The following MINAR1 variants were observed in gnomAD, a reference collection of about 807,000 sequenced individuals.
MINAR1 encodes the protein membrane integral NOTCH2 associated receptor 1, also known as major intrinsically disordered Notch2-binding receptor 1.
A neutral mutation model predicts 65.1 loss-of-function variants in MINAR1; 40 were observed. The observed-to-expected ratio is 0.61, with a 90% CI of 0.48 to 0.80. MINAR1 has a LOEUF of 0.80. MINAR1 is among the 30% of genes least tolerant of loss of function. MINAR1 has a pLI of 0.00. For missense variants in MINAR1, 1,128 were observed against 1,148.0 expected (o/e 0.98, Z 0.25); for synonymous variants, 482 against 449.1 (o/e 1.07, Z -0.93).
chr15:79,463,389 C>T, intron 3 of MINAR1, 68 bp downstream of exon 3: 2 of 1,575,468 alleles, frequency 1.3e-6, no homozygotes, highest in East Asian at 2.2e-5. Context: ...TGGAATGGAT[C>T]ACGGACGGCT....
chr15:79,448,078 G>A (rs1463515680), intron 1 of MINAR1, among the ~76,000 whole-genome samples: 1 of 152,138 alleles, frequency 6.6e-6, no homozygotes, highest in Non-Finnish European at 1.5e-5. Flanking sequence ...TGGAATCTGG[G>A]CATTTAGCTT....
chr15:79,457,168 G>A lies in MINAR1; in HGVS notation c.1021G>A (p.Gly341Arg). The change falls in exon 2 of 4, where the codon GGG becomes AGG. Residue 341 changes from glycine to arginine, a missense_variant. By Grantham distance (125) the Gly-to-Arg change is moderately radical (BLOSUM62 -2). Coordinates refer to ENST00000305428, the MANE Select transcript of MINAR1 (RefSeq NM_015206.3). ...TGACCTTCAAGCCTCTACATATTTT[G>A]GGCCCACTCCCGTGATGGGAACCCA... ...LDDLQASTYF[G>R]PTPVMGTQEA... The A allele has an allele frequency of 6.2e-7, 1 of 1,614,108 alleles. No individual in the cohort carries two copies. The highest frequency in any genetic ancestry group is 2.2e-5 in the East Asian group (1 of 44,874).
In MINAR1 at chr15:79,471,698, C is replaced by T. The variant is rs1896087899; in HGVS notation, c.*3314C>T. On this transcript the variant is annotated 3_prime_UTR_variant, in exon 4 of 4. Coordinates refer to ENST00000305428, the MANE Select transcript of MINAR1 (RefSeq NM_015206.3). ...GTTATCAAGATAAGAGCAGTGGCAT[C>T]ACATTTGTTGTTGTTGTTTTTTTTT... 1 of 151,932 alleles carries T rather than the reference C, an allele frequency of 6.6e-6. No individual in the cohort carries two copies. The highest frequency in any genetic ancestry group is 2.1e-4 in the South Asian group (1 of 4,820). 9.4% of individuals were successfully genotyped at this position (151,932 alleles called of 1,614,324 possible).
chr15:79,464,979 A>G (rs895701028), intron 3 of MINAR1, among the ~76,000 whole-genome samples: 3 of 152,238 alleles, frequency 2.0e-5, no homozygotes, highest in African/African-American at 7.2e-5. Flanking sequence ...ATAGGCTGAG[A>G]AACATCTTTG....
chr15:79,418,451 C>G, the MINAR1 span: 3 of 152,238 alleles, frequency 2.0e-5, no homozygotes, highest in African/African-American at 7.2e-5. Flanking sequence ...CCCACTCTGC[C>G]TATCCACAAA....
At chr15:79,459,497 A>C (rs1321524557) in intron 2 of MINAR1, among the ~76,000 whole-genome samples, 1 of 152,204 alleles carries the variant, frequency 6.6e-6, no homozygotes, top group East Asian at 1.9e-4. Context: ...AGGTGATGCA[A>C]CTTCAGTTTG....
intron 1 of MINAR1, among the ~76,000 whole-genome samples, chr15:79,452,715 G>A (rs527446037): frequency 8.5e-6 from 1 of 117,172 alleles, no homozygotes; most frequent in Non-Finnish European, 1.7e-5. Flanking sequence ...TGAGTGTGTG[G>A]GTGTGGGTGA....
the MINAR1 span, chr15:79,420,660 T>C: frequency 6.6e-6 from 1 of 152,194 alleles, no homozygotes; most frequent in Non-Finnish European, 1.5e-5. Flanking sequence ...GGCGAATTGC[T>C]CTATGGTGGT....
At chr15:79,423,376 A>C in the MINAR1 span, 5 of 152,250 alleles carry the variant, frequency 3.3e-5, no homozygotes, top group African/African-American at 9.6e-5. Context: ...GGGACATATA[A>C]GAAACTGGTA....
chr15:79,411,732 G>A, the MINAR1 span: 6 of 487,634 alleles, frequency 1.2e-5, no homozygotes, highest in African/African-American at 1.9e-5. Context: ...AGACACTTGA[G>A]CTGGCAGGGA....
At chr15:79,464,859 C>T (rs1895780125) in intron 3 of MINAR1, among the ~76,000 whole-genome samples, 1 of 152,146 alleles carries the variant, frequency 6.6e-6, no homozygotes, top group African/African-American at 2.4e-5. Flanking sequence ...GGAGGCTAGA[C>T]AGGGATTTGA....
rs777521578 is a variant in MINAR1, at chr15:79,457,257, C to T, written c.1110C>T (p.Ser370=). Residue 370 remains serine (S), a synonymous_variant, in exon 2 of 4, where the codon AGC becomes AGT. Coordinates refer to ENST00000305428, the MANE Select transcript of MINAR1 (RefSeq NM_015206.3). The part of the protein sequence containing the change: ...KQTPWPAKSW[S]LNTEEVPDFE... ...CTCCCTGGCCAGCCAAAAGCTGGAG[C>T]CTAAACACAGAGGAAGTTCCTGACT... The T allele has an allele frequency of 3.7e-6, 6 of 1,614,134 alleles. No homozygotes were observed. In the African/African-American group the frequency reaches 6.7e-5, roughly 18 times the overall value.
At chr15:79,440,239 T>A (rs1460154843) in intron 1 of MINAR1, among the ~76,000 whole-genome samples, 1 of 152,124 alleles carries the variant, frequency 6.6e-6, no homozygotes, top group Admixed American at 6.5e-5. Context: ...ACAAGGCTGT[T>A]GTGAGTTTCC....
At chr15:79,430,654 G>T (rs151129385), upstream of MINAR1, among the ~76,000 whole-genome samples, 2 of 152,210 alleles carry the variant, frequency 1.3e-5, no homozygotes, top group Non-Finnish European at 2.9e-5. Flanking sequence ...ACTAGGCAAG[G>T]TACAGTGAAT....
intron 2 of MINAR1, among the ~76,000 whole-genome samples, chr15:79,461,436 C>T (rs1004980889): frequency 2.0e-5 from 3 of 152,220 alleles, no homozygotes; most frequent in Admixed American, 1.3e-4. Flanking sequence ...TGGCTACCGT[C>T]GTAGTTATTA....
intron 1 of MINAR1, among the ~76,000 whole-genome samples, chr15:79,440,120 A>C (rs61486698): frequency 0.2 from 30,966 of 151,974 alleles, 3,356 homozygotes; most frequent in South Asian, 0.33. Flanking sequence ...CACTGCATCC[A>C]CTATACCAGA....
chr15:79,460,680 G>T (rs1487179511), intron 2 of MINAR1, among the ~76,000 whole-genome samples: 1 of 152,008 alleles, frequency 6.6e-6, no homozygotes, highest in Non-Finnish European at 1.5e-5. Context: ...CTGTGGTTGC[G>T]CAGGGCCCCC....
intron 3 of MINAR1, among the ~76,000 whole-genome samples, chr15:79,466,551 GA>G (rs574789035): frequency 1.3e-5 from 2 of 151,920 alleles, no homozygotes; most frequent in Non-Finnish European, 2.9e-5. Flanking sequence ...TTTAAAAATG[GA>G]AAAAAATCAC....
chr15:79,450,119 TG>T (rs1386334855), intron 1 of MINAR1, among the ~76,000 whole-genome samples: 1 of 152,226 alleles, frequency 6.6e-6, no homozygotes, highest in Non-Finnish European at 1.5e-5. Context: ...TCAGGAACCC[TG>T]GGTGTTGGGG....
Sources: gnomAD v4.1 joint callset for allele counts (sites outside exome capture counted in the v4.1 genomes callset) on GRCh38, gnomAD v4.1.1 for gene constraint, MANE v1.5 for transcripts, NCBI Gene and HGNC (gene_info 2026-07-23, HGNC 2026-07-21) for gene names.